DAAM2: variants seen among roughly 807,000 people sequenced by gnomAD.
DAAM2 encodes disheveled-associated activator of morphogenesis 2.
In DAAM2, 39 loss-of-function variants were observed where a neutral mutation model predicts 120.7. The observed-to-expected ratio is 0.32, with a 90% CI of 0.25 to 0.42. The LOEUF (loss-of-function observed/expected upper bound fraction) is 0.42. DAAM2 is among the 10% of genes least tolerant of loss of function. DAAM2 has a pLI of 1.00. For missense variants in DAAM2, 1,283 were observed against 1,401.7 expected, an observed-to-expected ratio of 0.92 and a Z score of 1.35; for synonymous variants, 488 against 524.9, an observed-to-expected ratio of 0.93 and a Z score of 0.96.
At chr6:39,851,801 G>A (rs754085258) in intron 1 of DAAM2, among the ~76,000 whole-genome samples, 1 of 152,180 alleles carries the variant, frequency 6.6e-6, no homozygotes, top group Non-Finnish European at 1.5e-5. Flanking sequence ...AGTCCTTGGA[G>A]GTCTTTAGTC....
Position 39,826,134 on chromosome 6 carries a change from T to C in DAAM2, c.-56-30113T>C, listed in dbSNP as rs375073011. Among the ~76,000 whole-genome samples, 151 of 152,152 alleles carry C rather than the reference T, an allele frequency of 9.9e-4. No individual in the cohort carries two copies. In the South Asian group the frequency reaches 0.013, roughly 13 times the overall value. On this transcript the variant is annotated intron_variant, in intron 1 of 24. Transcript: ENST00000274867. Reference sequence around the variant, plus strand: ...GGGATGTGGCTGCCTTAAAAGATAGTGGGGAGAAATGATAAACACACGGCT... The same window carrying C: ...GGGATGTGGCTGCCTTAAAAGATAGCGGGGAGAAATGATAAACACACGGCT...
At chr6:39,896,769 T>G in intron 19 of DAAM2, 43 bp from the exon 20 acceptor site, 1 of 1,493,038 alleles carries the variant, frequency 6.7e-7, no homozygotes, top group Non-Finnish European at 8.9e-7. Context: ...ACTGCTGCCC[T>G]GCCTAGCCCA....
intron 14 of DAAM2, among the ~76,000 whole-genome samples, chr6:39,883,212 C>T (rs1765214981): frequency 1.3e-5 from 2 of 149,080 alleles, no homozygotes; most frequent in South Asian, 2.1e-4. Flanking sequence ...GCTTGACTAA[C>T]AGCCAGGATC....
intron 1 of DAAM2, among the ~76,000 whole-genome samples, chr6:39,844,755 C>T (rs911608684): frequency 6.6e-6 from 1 of 152,048 alleles, no homozygotes; most frequent in Non-Finnish European, 1.5e-5. Context: ...TGATTTCCAG[C>T]GATCTTACTG....
At chr6:39,875,188 A>G in intron 10 of DAAM2, 142 bp from the exon 11 acceptor site, 1 of 833,938 alleles carries the variant, frequency 1.2e-6, no homozygotes, top group South Asian at 1.8e-5. Flanking sequence ...CAGCAATGGC[A>G]TTGCCTCTTC....
At chr6:39,826,473 CCTT>C (rs1286350074) in intron 1 of DAAM2, among the ~76,000 whole-genome samples, 6 of 152,090 alleles carry the variant, frequency 3.9e-5, no homozygotes, top group African/African-American at 1.2e-4. Flanking sequence ...ACTCTCGACT[CCTT>C]CTCTTTCTCT....
intron 11 of DAAM2, among the ~76,000 whole-genome samples, chr6:39,877,788 T>G (rs1764930232): frequency 6.6e-6 from 1 of 152,222 alleles, no homozygotes; most frequent in South Asian, 2.1e-4. Flanking sequence ...TTTGGAAACC[T>G]GGACCATGGT....
At chr6:39,797,849 T>C (rs1377654130) in intron 1 of DAAM2, among the ~76,000 whole-genome samples, 1 of 152,232 alleles carries the variant, frequency 6.6e-6, no homozygotes, top group East Asian at 1.9e-4. Flanking sequence ...AAGTGCTCAA[T>C]AAACATTGGG....
At chr6:39,891,483 G>A in intron 18 of DAAM2, 36 bp downstream of exon 18, 1 of 1,562,070 alleles carries the variant, frequency 6.4e-7, no homozygotes, top group Non-Finnish European at 8.7e-7. Flanking sequence ...TCAAGCAGGT[G>A]GGGTTCTGGC....
At chr6:39,892,617 G>A (rs1765801564) in intron 19 of DAAM2, among the ~76,000 whole-genome samples, 1 of 152,080 alleles carries the variant, frequency 6.6e-6, no homozygotes, top group Non-Finnish European at 1.5e-5. Context: ...GCTCATTTGT[G>A]GGGAGGACAG....
intron 1 of DAAM2, among the ~76,000 whole-genome samples, chr6:39,825,394 C>T (rs1163811205): frequency 9.6e-6 from 1 of 103,998 alleles, no homozygotes; most frequent in African/African-American, 5.1e-5. Context: ...TAAAACAAAA[C>T]AAAACAAAAC....
At chr6:39,825,399 C>T (rs1182939227) in intron 1 of DAAM2, among the ~76,000 whole-genome samples, 19 of 108,944 alleles carry the variant, frequency 1.7e-4, no homozygotes, top group African/African-American at 2.4e-4. Context: ...CAAAACAAAA[C>T]AAAACAAAAC....
At chr6:39,899,054 G>A in intron 22 of DAAM2, 117 bp downstream of exon 22, 1 of 564,506 alleles carries the variant, frequency 1.8e-6, no homozygotes, top group Non-Finnish European at 2.9e-6. Context: ...CTCTAGCACA[G>A]GGTCAGCCCT....
intron 1 of DAAM2, among the ~76,000 whole-genome samples, chr6:39,842,522 A>G (rs1404435977): frequency 6.6e-6 from 1 of 152,116 alleles, no homozygotes; most frequent in Non-Finnish European, 1.5e-5. Context: ...AAACCCAGCT[A>G]CTTGGGAGGC....
intron 1 of DAAM2, among the ~76,000 whole-genome samples, chr6:39,847,919 C>T (rs531840593): frequency 6.6e-6 from 1 of 152,302 alleles, no homozygotes; most frequent in African/African-American, 2.4e-5. Flanking sequence ...TCCTTCTTCC[C>T]CTGGCACTCA....
chr6:39,893,714 T>A lies in DAAM2; in HGVS notation c.2341+1992T>A, dbSNP rs192582264. On this transcript the variant is annotated intron_variant, in intron 19 of 24. Transcript: ENST00000274867. ...TTGTATAGACCAGACATAAGTCTCT[T>A]TCCTCTAAGAGCTAGATAGGAAAGA... Among the ~76,000 whole-genome samples, 131 of 152,330 alleles carry A rather than the reference T, an allele frequency of 8.6e-4. 1 individual carries two copies. Among genetic ancestry groups the A allele is most frequent in the Admixed American group, 2.5e-3 (38 of 15,298 alleles).
rs1766638631 is a variant in DAAM2 at position 39,904,030 on chromosome 6, C to T, written c.*1993C>T. ...TGTGGGTGAGGCCTCTAAAGGTCCT[C>T]TCCCAAACTGACCAGGCTGATGTCA... is the stretch of plus-strand genomic sequence containing the variant. On this transcript the variant is annotated 3_prime_UTR_variant, in exon 25 of 25. Coordinates refer to ENST00000274867, the MANE Select transcript of DAAM2 (RefSeq NM_001201427.2). 4 of 370,550 alleles carry T rather than the reference C, an allele frequency of 1.1e-5. 1 individual carries two copies. The highest frequency in any genetic ancestry group is 4.2e-5 in the South Asian group (2 of 48,124). 23.0% of individuals were successfully genotyped at this position (370,550 alleles called of 1,614,324 possible). A position where few individuals can be genotyped will look rare whatever the true frequency, so the allele number is the denominator to read the frequency against.
intron 19 of DAAM2, among the ~76,000 whole-genome samples, 158 bp from the exon 20 acceptor site, chr6:39,896,654 G>A (rs1048590654): frequency 6.6e-6 from 1 of 152,096 alleles, no homozygotes; most frequent in African/African-American, 2.4e-5. Flanking sequence ...GAAATCGATG[G>A]GTCTGCTGAG....
In DAAM2 at chr6:39,897,295, T is replaced by C. The variant is rs1297112621; in HGVS notation, c.2618+13T>C. 2.0e-6 allele frequency: 3 copies of C among 1,492,706 alleles called. No individual in the cohort carries two copies. The highest frequency in any genetic ancestry group is 1.9e-6 in the Non-Finnish European group (2 of 1,070,354). The allele number at this position is 1,492,706 out of a possible 1,614,324, so 92.5% of individuals were successfully genotyped here. A position where few individuals can be genotyped will look rare whatever the true frequency, so the allele number is the denominator to read the frequency against. ...CTGCCAAAGTCAAGTGAGGGTTCTCTCCAAGACTTCCTTCTCCCCATGATG... is the reference window on the plus strand; with the variant it reads ...CTGCCAAAGTCAAGTGAGGGTTCTCCCCAAGACTTCCTTCTCCCCATGATG... On this transcript the variant is annotated intron_variant, in intron 21 of 24. Transcript: ENST00000274867.
Sources: gnomAD v4.1 joint callset for allele counts (sites outside exome capture counted in the v4.1 genomes callset) on GRCh38, gnomAD v4.1.1 for gene constraint, MANE v1.5 for transcripts, NCBI Gene and HGNC (gene_info 2026-07-23, HGNC 2026-07-21) for gene names.